Variants in ENPP6 observed in about 807,000 individuals in gnomAD.
ENPP6 encodes glycerophosphocholine cholinephosphodiesterase ENPP6.
ENPP6 carries 32 observed loss-of-function variants against 42.0 expected under a neutral mutation model. The ratio of observed to expected loss-of-function variants is 0.76; its 90% CI spans 0.58 to 1.02. The LOEUF is 1.02. ENPP6 is among the 50% of genes least tolerant of loss of function. ENPP6 has a pLI of 0.00. For missense variants in ENPP6, 552 were observed against 566.8 expected (o/e 0.97, Z 0.27); for synonymous variants, 213 against 216.0 (o/e 0.99, Z 0.12).
At chr4:184,206,925 C>T (rs1412600427) in intron 1 of ENPP6, among the ~76,000 whole-genome samples, 1 of 152,234 alleles carries the variant, frequency 6.6e-6, no homozygotes, top group Non-Finnish European at 1.5e-5. Flanking sequence ...GTCACTCGCA[C>T]AACCTTCTGG....
chr4:184,101,994 G>C (rs1196755286), intron 6 of ENPP6, among the ~76,000 whole-genome samples: 1 of 152,192 alleles, frequency 6.6e-6, no homozygotes, highest in Non-Finnish European at 1.5e-5. Context: ...GCACTCCATC[G>C]CCAGCTCCCC....
At position 184,117,886 on chromosome 4, in the gene ENPP6, T is replaced by C. The variant is rs1736349488; in HGVS notation, c.548A>G (p.Asp183Gly). The C allele has an allele frequency of 6.2e-7, 1 of 1,614,004 alleles. No homozygotes were observed. Among genetic ancestry groups the C allele is most frequent in the Non-Finnish European group, 8.5e-7 (1 of 1,179,986 alleles). Reference sequence around the variant, plus strand: ...GCGCTCATGGTATATGGCTGCCAGGTCGGCCCGGCCACTCCTGGAGGGACA... The same window carrying C: ...GCGCTCATGGTATATGGCTGCCAGGCCGGCCCGGCCACTCCTGGAGGGACA... ...ALDSFKSGRA[D>G]LAAIYHERID... is the part of the protein sequence containing the mutation. Residue 183 changes from aspartate to glycine, a missense_variant, in exon 4 of 8, where the codon GAC (aspartate) becomes GGC (glycine). By Grantham distance (94) the Asp-to-Gly change is moderately conservative (BLOSUM62 -1). Transcript: ENST00000296741.
At chr4:184,121,364 C>A (rs777493361) in intron 3 of ENPP6, among the ~76,000 whole-genome samples, 12 of 152,204 alleles carry the variant, frequency 7.9e-5, no homozygotes, top group Non-Finnish European at 1.2e-4. Context: ...CCTGAGCAGA[C>A]CTCTATGTTC....
rs186360438 is a variant in ENPP6, at chr4:184,114,955, G to T, written c.855+1901C>A. 1.8e-3 allele frequency among the ~76,000 whole-genome samples: 281 copies of T among 152,274 alleles called. 2 individuals carry two copies. Among genetic ancestry groups the T allele is most frequent in the African/African-American group, 6.5e-3 (271 of 41,556 alleles). On this transcript the variant is annotated intron_variant, in intron 5 of 7. Coordinates refer to ENST00000296741, the MANE Select transcript of ENPP6 (RefSeq NM_153343.4). The stretch of plus-strand genomic sequence containing the variant: ...ACTGTCCCCCTGGGGATGGAGCAAG[G>T]CTGGGAGCAGTGGCATTCTGGGCAT...
chr4:184,127,520 G>C (rs937586072), intron 2 of ENPP6, among the ~76,000 whole-genome samples: 4 of 152,176 alleles, frequency 2.6e-5, no homozygotes, highest in Admixed American at 6.5e-5. Context: ...GGTGGGTCAG[G>C]CTGAATAAAA....
chr4:184,193,970 C>T (rs945319189), intron 1 of ENPP6, among the ~76,000 whole-genome samples: 8 of 152,160 alleles, frequency 5.3e-5, no homozygotes, highest in African/African-American at 9.7e-5. Context: ...TTGCTTTGGC[C>T]TTGCTGAGAT....
chr4:184,162,575 G>A (rs556427056), intron 1 of ENPP6, among the ~76,000 whole-genome samples: 38 of 92,044 alleles, frequency 4.1e-4, no homozygotes, highest in African/African-American at 8.5e-4. Context: ...AAGGAAGGAA[G>A]AAAGGAAGGA....
At chr4:184,121,091 A>G (rs1181685429) in intron 3 of ENPP6, among the ~76,000 whole-genome samples, 1 of 152,194 alleles carries the variant, frequency 6.6e-6, no homozygotes, top group Non-Finnish European at 1.5e-5. Context: ...TGCCTACACA[A>G]TACCACGGAC....
Position 184,091,374 on chromosome 4 carries a change from A to T in ENPP6, c.1126T>A (p.Ser376Thr). 6.2e-7 allele frequency: 1 copy of T among 1,601,126 alleles called. No individual in the cohort carries two copies. The highest frequency in any genetic ancestry group is 8.5e-7 in the Non-Finnish European group (1 of 1,173,228). ...CTGATAGGAGCAGCTCTGAAGTTGG[A>T]TTTGAAATCTGAAAGGGAAAGGCAA... ...IFLAFGPDFK[S>T]NFRAAPIRSV... The change falls in exon 8 of 8, where the codon TCC becomes ACC. Residue 376 changes from serine (S) to threonine (T), a missense_variant. This residue lies in a region of ENPP6 where 545 missense variants were observed against 546.3 expected (regional missense o/e 1.00). Transcript: ENST00000296741.
rs183011547 is a variant in ENPP6, at chr4:184,133,148, T to A, written c.422-8876A>T. Among the ~76,000 whole-genome samples, 350 of 145,782 alleles carry A rather than the reference T, an allele frequency of 2.4e-3. 2 individuals are homozygous for A. The highest frequency in any genetic ancestry group is 4.4e-3 in the Non-Finnish European group (284 of 65,090). On this transcript the variant is annotated intron_variant, in intron 2 of 7. Coordinates refer to ENST00000296741, the MANE Select transcript of ENPP6 (RefSeq NM_153343.4). ...TCTGCACTTCATATAAATTTTAGAA[T>A]CAACCTGTCAATTCACACACACACA...
intron 2 of ENPP6, among the ~76,000 whole-genome samples, chr4:184,145,144 A>T (rs780242658): frequency 6.6e-6 from 1 of 152,172 alleles, no homozygotes; most frequent in Non-Finnish European, 1.5e-5. Flanking sequence ...CCTGAAACAC[A>T]GTTCACTTGT....
chr4:184,187,492 T>C (rs142484611), intron 1 of ENPP6, among the ~76,000 whole-genome samples: 155 of 152,308 alleles, frequency 1.0e-3, no homozygotes, highest in African/African-American at 3.3e-3. Context: ...TCCTCCAATA[T>C]CCCAAACATG....
chr4:184,193,134 G>A (rs562604110), intron 1 of ENPP6, among the ~76,000 whole-genome samples: 4 of 152,276 alleles, frequency 2.6e-5, no homozygotes, highest in South Asian at 2.1e-4. Context: ...TCACTCTTAC[G>A]TATCTATTCA....
intron 1 of ENPP6, among the ~76,000 whole-genome samples, chr4:184,181,564 A>G (rs1489027248): frequency 6.6e-6 from 1 of 152,246 alleles, no homozygotes; most frequent in Non-Finnish European, 1.5e-5. Context: ...GACAATCCTA[A>G]GCAAAAAGAA....
intron 1 of ENPP6, among the ~76,000 whole-genome samples, chr4:184,179,234 T>C (rs1228631157): frequency 6.6e-6 from 1 of 152,154 alleles, no homozygotes; most frequent in Non-Finnish European, 1.5e-5. Context: ...TCCTAGTTTC[T>C]GACAAAACAG....
chr4:184,095,622 T>A (rs1024156538), intron 7 of ENPP6, among the ~76,000 whole-genome samples: 1 of 150,936 alleles, frequency 6.6e-6, no homozygotes, highest in African/African-American at 2.4e-5. Flanking sequence ...ATGGCACCAT[T>A]GCACTCCAGA....
At chr4:184,181,943 G>A (rs1732562556) in intron 1 of ENPP6, among the ~76,000 whole-genome samples, 1 of 152,104 alleles carries the variant, frequency 6.6e-6, no homozygotes, top group Non-Finnish European at 1.5e-5. Flanking sequence ...CCAGGACATA[G>A]GCATGGGCAA....
At chr4:184,131,173 CT>C (rs1159200842) in intron 2 of ENPP6, among the ~76,000 whole-genome samples, 1 of 59,132 alleles carries the variant, frequency 1.7e-5, no homozygotes, top group African/African-American at 7.7e-5. Flanking sequence ...TTCTTTCTTT[CT>C]TTCTTTCTTT....
chr4:184,116,060 A>G (rs1313158489), intron 5 of ENPP6, among the ~76,000 whole-genome samples: 1 of 152,026 alleles, frequency 6.6e-6, no homozygotes, highest in African/African-American at 2.4e-5. Context: ...CTAAAAAAAA[A>G]AAATACAAAA....
Sources: allele counts gnomAD v4.1 joint callset (sites outside exome capture counted in the v4.1 genomes callset), GRCh38; gene constraint gnomAD v4.1.1; regional missense constraint gnomAD v4.1.1; transcripts MANE v1.5; gene names NCBI Gene and HGNC (gene_info 2026-07-23, HGNC 2026-07-21).